The following CSRNP3 variants were observed in gnomAD, a reference collection of about 807,000 sequenced individuals.
The protein encoded by CSRNP3 is cysteine and serine rich nuclear protein 3.
Under a neutral mutation model 48.0 loss-of-function variants are expected in CSRNP3, and 12 were observed. The observed-to-expected ratio is 0.25, with a 90% CI of 0.16 to 0.41. The LOEUF is 0.41. Among genes scored for constraint, CSRNP3 ranks in the 10% least tolerant of loss-of-function variants. The pLI, the probability that CSRNP3 is intolerant of heterozygous loss-of-function variation, is 1.00. For missense variants in CSRNP3, 580 were observed against 724.4 expected (o/e 0.80, Z 2.29); for synonymous variants, 263 against 269.7 (o/e 0.98, Z 0.24).
chr2:165,553,001 C>T (rs920563450), intron 3 of CSRNP3, among the ~76,000 whole-genome samples: 5 of 152,040 alleles, frequency 3.3e-5, no homozygotes, highest in African/African-American at 7.2e-5. Context: ...GCCATACCTT[C>T]GTAATTATTT....
intron 2 of CSRNP3, among the ~76,000 whole-genome samples, chr2:165,506,028 T>TG (rs1369924085): frequency 6.6e-6 from 1 of 152,086 alleles, no homozygotes; most frequent in Non-Finnish European, 1.5e-5. Context: ...CAAAATGGAT[T>TG]GGGGGTTCAA....
intron 5 of CSRNP3, among the ~76,000 whole-genome samples, chr2:165,658,608 A>T (rs985924792): frequency 1.3e-5 from 2 of 152,106 alleles, no homozygotes; most frequent in Non-Finnish European, 2.9e-5. Flanking sequence ...CACACCCGGG[A>T]CTAGGTAATT....
rs116609432 is a variant in CSRNP3, at chr2:165,571,884, G to A, written c.-23-23159G>A. On this transcript the variant is annotated intron_variant, in intron 3 of 6. Coordinates refer to ENST00000651982, the MANE Select transcript of CSRNP3 (RefSeq NM_001172173.2). Reference sequence around the variant, plus strand: ...TCTTTTAGTGATTGAGATTTTAATTGAGGATATTTTGAAGGAAACAGCAAT... The same window carrying A: ...TCTTTTAGTGATTGAGATTTTAATTAAGGATATTTTGAAGGAAACAGCAAT... Among the ~76,000 whole-genome samples the A allele has an allele frequency of 2.9e-3, 445 of 151,920 alleles. 2 individuals carry two copies. The highest frequency in any genetic ancestry group is 0.01 in the African/African-American group (428 of 41,452).
At chr2:165,491,971 A>C (rs1046024089) in intron 1 of CSRNP3, among the ~76,000 whole-genome samples, 1 of 151,336 alleles carries the variant, frequency 6.6e-6, no homozygotes, top group Admixed American at 6.6e-5. Flanking sequence ...AAAAAAACAA[A>C]GCTAGAAACC....
At chr2:165,644,262 G>A (rs1686775762) in intron 4 of CSRNP3, among the ~76,000 whole-genome samples, 1 of 152,124 alleles carries the variant, frequency 6.6e-6, no homozygotes, top group East Asian at 1.9e-4. Flanking sequence ...AGCCATGAAA[G>A]TCATGTATCC....
rs181500546 is a variant in CSRNP3, at chr2:165,591,148, G to A, written c.-23-3895G>A. On this transcript the variant is annotated intron_variant, in intron 3 of 6. Coordinates refer to ENST00000651982, the MANE Select transcript of CSRNP3 (RefSeq NM_001172173.2). Reference sequence around the variant, plus strand: ...ATAGTGATATGGACAATGAAGCCCAGCCTCAGGAGGACTCTGATGGAGATG... The same window carrying A: ...ATAGTGATATGGACAATGAAGCCCAACCTCAGGAGGACTCTGATGGAGATG... Among the ~76,000 whole-genome samples the A allele has an allele frequency of 4.4e-3, 673 of 152,304 alleles. 2 individuals are homozygous for A. The highest frequency in any genetic ancestry group is 7.3e-3 in the Non-Finnish European group (496 of 68,020).
chr2:165,608,709 C>T (rs1283343918), intron 4 of CSRNP3, among the ~76,000 whole-genome samples: 1 of 151,688 alleles, frequency 6.6e-6, no homozygotes, highest in African/African-American at 2.4e-5. Flanking sequence ...TTAATGTGAT[C>T]CCTTTGGGGT....
chr2:165,651,804 T>C (rs1486926586), intron 4 of CSRNP3, among the ~76,000 whole-genome samples: 1 of 151,794 alleles, frequency 6.6e-6, no homozygotes, highest in Non-Finnish European at 1.5e-5. Context: ...TACAGGCACC[T>C]ACCACCAAGC....
intron 4 of CSRNP3, among the ~76,000 whole-genome samples, chr2:165,604,429 C>A (rs1390038775): frequency 6.6e-6 from 1 of 152,142 alleles, no homozygotes; most frequent in Non-Finnish European, 1.5e-5. Context: ...TAGAAGACTT[C>A]ACAATGGTAC....
At chr2:165,607,348 T>A (rs1360180848) in intron 4 of CSRNP3, among the ~76,000 whole-genome samples, 1 of 152,144 alleles carries the variant, frequency 6.6e-6, no homozygotes, top group African/African-American at 2.4e-5. Context: ...AGAACTAAAT[T>A]TTAACAAATC....
intron 4 of CSRNP3, among the ~76,000 whole-genome samples, chr2:165,636,618 A>G (rs1686631960): frequency 6.6e-6 from 1 of 152,230 alleles, no homozygotes; most frequent in Non-Finnish European, 1.5e-5. Flanking sequence ...CAAATTAATC[A>G]CATATACTTA....
chr2:165,678,964 C>G lies in CSRNP3; in HGVS notation c.969C>G (p.Pro323=), dbSNP rs778171713. 11 of 1,613,852 alleles carry G rather than the reference C, an allele frequency of 6.8e-6. No homozygotes were observed. The Admixed American group carries it at 8.3e-5, about 12-fold the overall frequency. Residue 323 remains proline, a synonymous_variant, in exon 7 of 7, where the codon CCC becomes CCG. Coordinates refer to ENST00000651982, the MANE Select transcript of CSRNP3 (RefSeq NM_001172173.2). ...IADSFEIETE[P]QAAVLHLQSA... ...ACAGTTTTGAGATTGAAACTGAGCC[C>G]CAGGCTGCAGTGCTGCACCTGCAGT...
intron 4 of CSRNP3, among the ~76,000 whole-genome samples, chr2:165,647,771 T>C (rs1249159667): frequency 6.6e-6 from 1 of 152,200 alleles, no homozygotes; most frequent in Non-Finnish European, 1.5e-5. Context: ...TTCAATGCTT[T>C]GTTATAAATA....
At chr2:165,644,761 A>C (rs1291695206) in intron 4 of CSRNP3, among the ~76,000 whole-genome samples, 2 of 152,236 alleles carry the variant, frequency 1.3e-5, no homozygotes, top group African/African-American at 4.8e-5. Flanking sequence ...TGATAATTCT[A>C]TGCCAGACAT....
intron 4 of CSRNP3, among the ~76,000 whole-genome samples, chr2:165,607,597 ATTC>A (rs1279806476): frequency 6.6e-6 from 1 of 152,172 alleles, no homozygotes; most frequent in Non-Finnish European, 1.5e-5. Flanking sequence ...TCCACATAAC[ATTC>A]TTCTCCTGAG....
chr2:165,475,266 T>C (rs1256115878), intron 1 of CSRNP3, among the ~76,000 whole-genome samples: 2 of 152,232 alleles, frequency 1.3e-5, no homozygotes, highest in Non-Finnish European at 2.9e-5. Context: ...CTTAAAATTT[T>C]AAATGATTTG....
At chr2:165,676,242 C>T (rs1192972420) in intron 5 of CSRNP3, 70 bp from the exon 6 acceptor site, 2 of 1,140,088 alleles carry the variant, frequency 1.8e-6, no homozygotes, top group Non-Finnish European at 1.3e-6. Context: ...TTCATTCTCA[C>T]CCAGTACAAA....
intron 3 of CSRNP3, among the ~76,000 whole-genome samples, chr2:165,591,501 C>T (rs1188484723): frequency 6.6e-6 from 1 of 152,138 alleles, no homozygotes; most frequent in Non-Finnish European, 1.5e-5. Context: ...ATGTCAGAGA[C>T]CTTCAGGGAA....
At chr2:165,658,566 G>C (rs1395276846) in intron 5 of CSRNP3, among the ~76,000 whole-genome samples, 1 of 152,146 alleles carries the variant, frequency 6.6e-6, no homozygotes, top group Non-Finnish European at 1.5e-5. Context: ...CAGAGCTACT[G>C]TATTAGTCTG....
Sources: gnomAD v4.1 joint callset for allele counts (sites outside exome capture counted in the v4.1 genomes callset) on GRCh38, gnomAD v4.1.1 for gene constraint, MANE v1.5 for transcripts, NCBI Gene and HGNC (gene_info 2026-07-23, HGNC 2026-07-21) for gene names.